The following MIDEAS variants were observed in gnomAD, a reference collection of about 807,000 sequenced individuals.
MIDEAS encodes mitotic deacetylase associated SANT domain protein.
A neutral mutation model predicts 102.7 loss-of-function variants in MIDEAS; 26 were observed. That is an observed-to-expected ratio of 0.25 (90% CI 0.19 to 0.35). The LOEUF (loss-of-function observed/expected upper bound fraction) is 0.35. Ranked by LOEUF, MIDEAS falls within the 10% of genes least tolerant of loss-of-function variation. MIDEAS has a pLI of 1.00. For synonymous variants in MIDEAS, 585 were observed against 591.0 expected (o/e 0.99, Z 0.15); for missense variants, 1,231 against 1,435.6 (o/e 0.86, Z 2.30).
intron 1 of MIDEAS, among the ~76,000 whole-genome samples, chr14:73,771,356 G>A (rs968329466): frequency 3.3e-5 from 5 of 152,150 alleles, no homozygotes; most frequent in African/African-American, 1.2e-4. Flanking sequence ...TCCAACCTGC[G>A]AACTCAAGGT....
intron 1 of MIDEAS, among the ~76,000 whole-genome samples, chr14:73,780,429 C>T (rs745532037): frequency 1.3e-5 from 2 of 152,208 alleles, no homozygotes; most frequent in Admixed American, 6.5e-5. Flanking sequence ...TGGCCATAGC[C>T]GTAACAGTAG....
At chr14:73,748,115 A>G (rs561893803) in intron 1 of MIDEAS, among the ~76,000 whole-genome samples, 2 of 152,344 alleles carry the variant, frequency 1.3e-5, no homozygotes, top group South Asian at 4.1e-4. Flanking sequence ...TATTTAACAT[A>G]AAGGAAGACA....
chr14:73,736,351 G>C (rs2053199427), intron 3 of MIDEAS, among the ~76,000 whole-genome samples: 2 of 152,104 alleles, frequency 1.3e-5, no homozygotes, highest in Admixed American at 1.3e-4. Context: ...GGAGATGTCG[G>C]CCAGGCGCGG....
At position 73,718,940 on chromosome 14, in the gene MIDEAS, G is replaced by A; in HGVS notation, c.3203C>T (p.Ala1068Val). The change falls in exon 13 of 13, where the codon GCA becomes GTA. Residue 1068 changes from alanine to valine, a missense_variant. Coordinates refer to ENST00000423556, the MANE Select transcript of MIDEAS (RefSeq NM_001367710.1). ...KSHAEQEKKA[A>V]ALRLKEKEAA... ...CTCTTTCTCCTTCAGCCTCAGCGCT[G>A]CAGCCTTCTTCTCCTGCTCTGCGTG... The A allele has an allele frequency of 6.6e-7, 1 of 1,525,560 alleles. No homozygotes were observed. Among genetic ancestry groups the A allele is most frequent in the Non-Finnish European group, 8.7e-7 (1 of 1,143,238 alleles). 94.5% of individuals were successfully genotyped at this position (1,525,560 alleles called of 1,614,324 possible).
intron 10 of MIDEAS, 53 bp downstream of exon 10, chr14:73,722,645 T>C: frequency 7.5e-6 from 12 of 1,597,596 alleles, no homozygotes; most frequent in Non-Finnish European, 1.0e-5. Flanking sequence ...AGCTCAGGCC[T>C]GGTCCCAGAC....
intron 9 of MIDEAS, chr14:73,724,768 CAGA>C (rs1230191474): frequency 6.3e-6 from 1 of 157,610 alleles, no homozygotes; most frequent in Admixed American, 5.9e-5. Flanking sequence ...TCTGCTTTTC[CAGA>C]AGAATATGGA....
At position 73,739,116 on chromosome 14, in the gene MIDEAS, T is replaced by G; in HGVS notation, c.893A>C (p.Gln298Pro). The G allele has an allele frequency of 1.2e-6, 2 of 1,609,094 alleles. No individual in the cohort carries two copies. The highest frequency in any genetic ancestry group is 1.1e-5 in the South Asian group (1 of 90,442). ...CATGCTGTGGTGAGCCAGGTGGGAC[T>G]GTCCCAGTGGCCCAGCTGGCTGCAG... ...FGLQPAGPLG[Q>P]SHLAHHSMAP... The change falls in exon 2 of 13, where the codon CAG becomes CCG. Residue 298 changes from glutamine (Q) to proline (P), a missense_variant. Coordinates refer to ENST00000423556, the MANE Select transcript of MIDEAS (RefSeq NM_001367710.1).
intron 12 of MIDEAS, 127 bp from the exon 13 acceptor site, chr14:73,719,135 T>A: frequency 6.8e-7 from 1 of 1,461,934 alleles, no homozygotes; most frequent in East Asian, 2.5e-5. Flanking sequence ...CCAGCTCGCG[T>A]CATTTTCCGA....
rs567183493 is a variant in MIDEAS, at chr14:73,718,602, A to G, written c.*241T>C. On this transcript the variant is annotated 3_prime_UTR_variant, in exon 13 of 13. Coordinates refer to ENST00000423556, the MANE Select transcript of MIDEAS (RefSeq NM_001367710.1). The stretch of plus-strand genomic sequence containing the variant: ...GACCGGGACTCTCCCGGTCCAGGAA[A>G]GCACGAGGACAGCTTCCGACAGACC... 2.3e-4 allele frequency: 85 copies of G among 366,324 alleles called. No individual in the cohort carries two copies. In the East Asian group the frequency reaches 3.4e-3, roughly 14 times the overall value. 22.7% of individuals were successfully genotyped at this position (366,324 alleles called of 1,614,324 possible). A position where few individuals can be genotyped will look rare whatever the true frequency, so the allele number is the denominator to read the frequency against.
intron 4 of MIDEAS, among the ~76,000 whole-genome samples, chr14:73,729,383 G>A (rs1437494926): frequency 1.3e-5 from 2 of 152,244 alleles, no homozygotes; most frequent in Non-Finnish European, 2.9e-5. Flanking sequence ...CTGAGGCCCA[G>A]GGAGTTGAAG....
chr14:73,758,546 C>G (rs1212886227), intron 1 of MIDEAS, among the ~76,000 whole-genome samples: 1 of 152,240 alleles, frequency 6.6e-6, no homozygotes, highest in Non-Finnish European at 1.5e-5. Flanking sequence ...CAACAGGGAT[C>G]CCCTGCATAC....
At position 73,716,044 on chromosome 14, in the gene MIDEAS, G is replaced by C. The variant is rs978817078; in HGVS notation, c.*2799C>G. On this transcript the variant is annotated 3_prime_UTR_variant, in exon 13 of 13. Coordinates refer to ENST00000423556, the MANE Select transcript of MIDEAS (RefSeq NM_001367710.1). Reference sequence around the variant, plus strand: ...TGGGAGATGGATATGGTGAGATGGTGTGGGGAGGATGTTAGAAAGCTGGAG... The same window carrying C: ...TGGGAGATGGATATGGTGAGATGGTCTGGGGAGGATGTTAGAAAGCTGGAG... 5 of 152,518 alleles carry C rather than the reference G, an allele frequency of 3.3e-5. No individual in the cohort carries two copies. Among genetic ancestry groups the C allele is most frequent in the African/African-American group, 1.2e-4 (5 of 41,436 alleles). The allele number at this position is 152,518 out of a possible 1,614,324, so 9.4% of individuals were successfully genotyped here.
At position 73,734,501 on chromosome 14, in the gene MIDEAS, G is replaced by C. The variant is rs541942577; in HGVS notation, c.1749+2497C>G. Among the ~76,000 whole-genome samples the C allele has an allele frequency of 2.6e-5, 4 of 152,190 alleles. No individual in the cohort carries two copies. The South Asian group carries it at 8.3e-4, about 32-fold the overall frequency. ...CAGCTCCCTGCAGCCTTGGCCTCTT[G>C]GGCTCAAGCGATCCTCCCACCTCAG... On this transcript the variant is annotated intron_variant, in intron 3 of 12. Transcript: ENST00000423556.
upstream of MIDEAS, among the ~76,000 whole-genome samples, chr14:73,761,382 C>T (rs1028165326): frequency 6.6e-6 from 1 of 152,188 alleles, no homozygotes; most frequent in Non-Finnish European, 1.5e-5. Context: ...GCCAAACCTG[C>T]ACTTGCTTCT....
Position 73,726,846 on chromosome 14 carries a change from C to T in MIDEAS, c.2289G>A (p.Arg763=). 1 of 1,610,600 alleles carries T rather than the reference C, an allele frequency of 6.2e-7. No individual in the cohort carries two copies. Residue 763 remains arginine (R), a synonymous_variant, in exon 6 of 13, where the codon CGG becomes CGA. Coordinates refer to ENST00000423556, the MANE Select transcript of MIDEAS (RefSeq NM_001367710.1). ...WQPWEDLESS[R]EKQRQVEDLL... Reference sequence around the variant, plus strand: ...CCTCCTCACCTTGCCTCTGCTTCTCCCGGCTGCTCTCTAGGTCCTCCCATG... The same window carrying T: ...CCTCCTCACCTTGCCTCTGCTTCTCTCGGCTGCTCTCTAGGTCCTCCCATG...
intron 1 of MIDEAS, among the ~76,000 whole-genome samples, chr14:73,741,860 T>A (rs935735195): frequency 6.6e-6 from 1 of 152,010 alleles, no homozygotes; most frequent in Non-Finnish European, 1.5e-5. Flanking sequence ...TCTTTTCATA[T>A]ATGAAGCTGG....
At chr14:73,779,567 A>ATT (rs1343232133) in intron 1 of MIDEAS, among the ~76,000 whole-genome samples, 30 of 54,602 alleles carry the variant, frequency 5.5e-4, no homozygotes, top group African/African-American at 3.1e-3. Flanking sequence ...TATTATTATT[A>ATT]TTATTATTTT....
intron 1 of MIDEAS, among the ~76,000 whole-genome samples, chr14:73,769,128 C>T (rs1168154102): frequency 6.6e-6 from 1 of 152,234 alleles, no homozygotes; most frequent in Non-Finnish European, 1.5e-5. Flanking sequence ...GCATCTACCT[C>T]CTGCCCTGTG....
chr14:73,717,376 T>C lies in MIDEAS; in HGVS notation c.*1467A>G, dbSNP rs925055651. 1 of 152,180 alleles carries C rather than the reference T, an allele frequency of 6.6e-6. No individual in the cohort carries two copies. Among genetic ancestry groups the C allele is most frequent in the Admixed American group, 6.5e-5 (1 of 15,280 alleles). The allele number at this position is 152,180 out of a possible 1,614,324, so 9.4% of individuals were successfully genotyped here. On this transcript the variant is annotated 3_prime_UTR_variant, in exon 13 of 13. Transcript: ENST00000423556. ...CCTTTCACTTCACCCATGCCAAATA[T>C]GGCTTCTTCAAGCCAGAATCCAGGC...
Sources: gnomAD v4.1 joint callset for allele counts (sites outside exome capture counted in the v4.1 genomes callset) on GRCh38, gnomAD v4.1.1 for gene constraint, MANE v1.5 for transcripts, NCBI Gene and HGNC (gene_info 2026-07-23, HGNC 2026-07-21) for gene names.